EEIG1: variants seen among roughly 807,000 people sequenced by gnomAD.
The protein encoded by EEIG1 is estrogen-induced osteoclastogenesis regulator 1.
chr9:127,948,468 C>A, the EEIG1 span: 1 of 1,568,798 alleles, frequency 6.4e-7, no homozygotes, highest in Non-Finnish European at 8.8e-7. Flanking sequence ...CCTGCCCAGG[C>A]GCAGGGCCCC....
chr9:127,960,827 T>TC, the EEIG1 span, among the ~76,000 whole-genome samples: 1 of 151,648 alleles, frequency 6.6e-6, no homozygotes, highest in African/African-American at 2.4e-5. Context: ...ACAGGCACAT[T>TC]CCCCCCTCCA....
the EEIG1 span, chr9:127,945,746 T>C: frequency 6.4e-7 from 1 of 1,562,992 alleles, no homozygotes; most frequent in East Asian, 2.4e-5. This position sits in a 1 kb window ranked among gnomAD's most constrained non-coding sequence, Gnocchi z 6.5. Context: ...CGGGTTCCTC[T>C]GGCAGCCCTG....
At chr9:127,979,944 C>A in the EEIG1 span, 1 of 1,582,574 alleles carries the variant, frequency 6.3e-7, no homozygotes, top group Non-Finnish European at 8.6e-7. Context: ...GTGTCTAGGT[C>A]TCGCTCATCA....
the EEIG1 span, among the ~76,000 whole-genome samples, chr9:127,959,856 G>T: frequency 6.6e-6 from 1 of 152,162 alleles, no homozygotes; most frequent in South Asian, 2.1e-4. Context: ...GACTAATACA[G>T]GGGACTTGAG....
chr9:127,966,876 G>A, the EEIG1 span, among the ~76,000 whole-genome samples: 1 of 152,324 alleles, frequency 6.6e-6, no homozygotes, highest in East Asian at 1.9e-4. Context: ...GGAGGTAACG[G>A]GTGGTCTGTA....
the EEIG1 span, chr9:127,963,847 G>A: frequency 1.7e-4 from 26 of 152,424 alleles, no homozygotes; most frequent in African/African-American, 4.6e-4. Flanking sequence ...AGGGGGAGAC[G>A]GCCATTACAC....
the EEIG1 span, among the ~76,000 whole-genome samples, chr9:127,970,130 T>C: frequency 1.3e-5 from 2 of 152,214 alleles, no homozygotes; most frequent in East Asian, 3.8e-4. Context: ...TTTTTTTTTT[T>C]TGAGACAGAA....
the EEIG1 span, among the ~76,000 whole-genome samples, chr9:127,965,699 G>A: frequency 2.6e-5 from 4 of 152,230 alleles, no homozygotes; most frequent in Admixed American, 2.6e-4. Context: ...GCCCAGGCCA[G>A]AGAGCGAGAG....
chr9:127,973,189 C>T, the EEIG1 span, among the ~76,000 whole-genome samples: 2 of 152,156 alleles, frequency 1.3e-5, no homozygotes, highest in South Asian at 2.1e-4. The surrounding 1 kb of genome is among the most constrained non-coding windows in gnomAD (Gnocchi z 4.2). Flanking sequence ...ACTGCAGGGT[C>T]ACTGCATAGC....
the EEIG1 span, chr9:127,945,812 G>A: frequency 8.3e-7 from 1 of 1,207,054 alleles, no homozygotes; most frequent in East Asian, 2.5e-5. This position sits in a 1 kb window ranked among gnomAD's most constrained non-coding sequence, Gnocchi z 6.5. Context: ...GCTGCTCACT[G>A]TCGCCCTTCA....
At chr9:127,979,144 T>A in the EEIG1 span, among the ~76,000 whole-genome samples, 1 of 152,188 alleles carries the variant, frequency 6.6e-6, no homozygotes, top group Non-Finnish European at 1.5e-5. Context: ...AGCCACAGCA[T>A]CCAGCCTGCC....
chr9:127,976,839 CG>C, the EEIG1 span, among the ~76,000 whole-genome samples: 1 of 152,136 alleles, frequency 6.6e-6, no homozygotes, highest in Non-Finnish European at 1.5e-5. This position sits in a 1 kb window ranked among gnomAD's most constrained non-coding sequence, Gnocchi z 4.1. Context: ...TGGGCCATCT[CG>C]GGGGTTCCTG....
chr9:127,978,093 A>C, the EEIG1 span, among the ~76,000 whole-genome samples: 1 of 152,136 alleles, frequency 6.6e-6, no homozygotes, highest in African/African-American at 2.4e-5. Context: ...AGCCACCCCC[A>C]CCACAAGGGG....
chr9:127,960,240 C>A, the EEIG1 span, among the ~76,000 whole-genome samples: 1 of 152,074 alleles, frequency 6.6e-6, no homozygotes, highest in Non-Finnish European at 1.5e-5. Context: ...GAGGGAGCAG[C>A]AAGTGCAGAG....
the EEIG1 span, chr9:127,948,150 C>A: frequency 5.0e-6 from 8 of 1,613,946 alleles, no homozygotes; most frequent in Non-Finnish European, 6.8e-6. Flanking sequence ...CACTGCTGGT[C>A]CCACCACCCT....
At chr9:127,953,501 T>C in the EEIG1 span, 1 of 1,403,558 alleles carries the variant, frequency 7.1e-7, no homozygotes, top group African/African-American at 1.4e-5. Context: ...GAAAAGGGGC[T>C]GGAGGCTTCC....
At chr9:127,943,182 C>A in the EEIG1 span, 1 of 1,613,994 alleles carries the variant, frequency 6.2e-7, no homozygotes, top group Non-Finnish European at 8.5e-7. Context: ...CCAGCCCGGA[C>A]ACCTGCTCCT....
chr9:127,952,890 T>C, the EEIG1 span, among the ~76,000 whole-genome samples: 1 of 152,178 alleles, frequency 6.6e-6, no homozygotes, highest in Non-Finnish European at 1.5e-5. Flanking sequence ...ATTTTTTTTG[T>C]ATCTGTAGTA....
chr9:127,962,506 G>T, the EEIG1 span, among the ~76,000 whole-genome samples: 19 of 152,264 alleles, frequency 1.2e-4, no homozygotes, highest in African/African-American at 4.3e-4. Flanking sequence ...ATGAGACCCT[G>T]GAGGGAGGGC....
Sources: allele counts gnomAD v4.1 joint callset (sites outside exome capture counted in the v4.1 genomes callset), GRCh38; gene constraint gnomAD v4.1.1; non-coding constraint Gnocchi (gnomAD v3.1); transcripts MANE v1.5; gene names NCBI Gene and HGNC (gene_info 2026-07-23, HGNC 2026-07-21).